BCLAF1: variants seen among roughly 807,000 people sequenced by gnomAD.
The protein encoded by BCLAF1 is bcl-2-associated transcription factor 1.
Under a neutral mutation model 99.5 loss-of-function variants are expected in BCLAF1, and 10 were observed. The ratio of observed to expected loss-of-function variants is 0.10; its 90% CI spans 0.06 to 0.17. BCLAF1 has a LOEUF of 0.17. Among genes scored for constraint, BCLAF1 ranks in the 10% least tolerant of loss-of-function variants. BCLAF1 has a pLI of 1.00. For synonymous variants in BCLAF1, 255 were observed against 370.9 expected, an observed-to-expected ratio of 0.69 and a Z score of 3.59; for missense variants, 636 against 1,105.8, an observed-to-expected ratio of 0.58 and a Z score of 6.02.
chr6:136,279,003 A>ACACG (rs749899281), intron 3 of BCLAF1, among the ~76,000 whole-genome samples: 111 of 150,476 alleles, frequency 7.4e-4, no homozygotes, highest in Non-Finnish European at 1.4e-3. Context: ...AAACACACAC[A>ACACG]CACACACACA....
At chr6:136,262,718 A>C (rs1212473816) in intron 11 of BCLAF1, among the ~76,000 whole-genome samples, 1 of 152,208 alleles carries the variant, frequency 6.6e-6, no homozygotes, top group African/African-American at 2.4e-5. Context: ...AACCCAAAAT[A>C]AACTACTTTA....
Position 136,260,400 on chromosome 6 carries a change from C to G in BCLAF1, c.*710G>C, listed in dbSNP as rs1780812773. On this transcript the variant is annotated 3_prime_UTR_variant, in exon 13 of 13. Coordinates refer to ENST00000531224, the MANE Select transcript of BCLAF1 (RefSeq NM_014739.3). Reference sequence around the variant, plus strand: ...CAAATAGGAATAGAAAGAGAACACACAGTTTTGAACGCAAATAGAAAAGGC... The same window carrying G: ...CAAATAGGAATAGAAAGAGAACACAGAGTTTTGAACGCAAATAGAAAAGGC... 2 of 152,164 alleles carry G rather than the reference C, an allele frequency of 1.3e-5. No individual in the cohort carries two copies. The highest frequency in any genetic ancestry group is 6.5e-5 in the Admixed American group (1 of 15,274). The allele number at this position is 152,164 out of a possible 1,614,324, so 9.4% of individuals were successfully genotyped here.
chr6:136,266,074 T>A (rs1214266377), intron 11 of BCLAF1, among the ~76,000 whole-genome samples: 1 of 151,890 alleles, frequency 6.6e-6, no homozygotes, highest in African/African-American at 2.4e-5. Flanking sequence ...GTCATTAACA[T>A]GCCAAAAAAG....
At chr6:136,278,886 C>CT (rs981565680) in intron 3 of BCLAF1, 110 bp from the exon 4 acceptor site, 1 of 1,138,518 alleles carries the variant, frequency 8.8e-7, no homozygotes, top group African/African-American at 1.6e-5. Flanking sequence ...CAAAAATACA[C>CT]TTTTTTAAAA....
Position 136,268,348 on chromosome 6 carries a change from TAAAGA to T in BCLAF1, c.2220-14_2220-10del, listed in dbSNP as rs1562238213. ...GCTCTCTTTTATGTTTACTGCAAAATAAAGAAAACAAAAAATGTGATACTTTTAAA... is the reference window on the plus strand; with the variant it reads ...GCTCTCTTTTATGTTTACTGCAAAATAAACAAAAAATGTGATACTTTTAAA... On this transcript the variant is annotated splice_polypyrimidine_tract_variant and intron_variant, in intron 9 of 12. Coordinates refer to ENST00000531224, the MANE Select transcript of BCLAF1 (RefSeq NM_014739.3). 2 of 1,583,468 alleles carry T rather than the reference TAAAGA, an allele frequency of 1.3e-6. No homozygotes were observed. The highest frequency in any genetic ancestry group is 1.4e-5 in the African/African-American group (1 of 72,862).
Position 136,257,306 on chromosome 6 carries a change from C to A in BCLAF1, c.*3804G>T, listed in dbSNP as rs1481490650. ...GAATGCTATCCTAATAATGCCTGTT[C>A]TCTTTAATCAGTGAGATTCATTTTT... is the stretch of plus-strand genomic sequence containing the variant. On this transcript the variant is annotated 3_prime_UTR_variant, in exon 13 of 13. Transcript: ENST00000531224. 6.6e-6 allele frequency: 1 copy of A among 152,136 alleles called. No individual in the cohort carries two copies. The highest frequency in any genetic ancestry group is 1.5e-5 in the Non-Finnish European group (1 of 68,002). 9.4% of individuals were successfully genotyped at this position (152,136 alleles called of 1,614,324 possible).
Position 136,276,365 on chromosome 6 carries a change from T to G in BCLAF1, c.1160A>C (p.Lys387Thr). The G allele has an allele frequency of 1.9e-6, 3 of 1,581,922 alleles. No individual in the cohort carries two copies. The highest frequency in any genetic ancestry group is 2.6e-6 in the Non-Finnish European group (3 of 1,167,896). ...DQEALDYFSD[K>T]ESGKQKFNDS... ...ATTAAACTTTTGTTTTCCAGACTCT[T>G]TATCACTGAAGTAATCTAGAGCTTC... The change falls in exon 5 of 13, where the codon AAA becomes ACA. Residue 387 changes from lysine to threonine, a missense_variant. Around this residue, in one of 9 missense-constraint regions of BCLAF1, gnomAD observed 186 missense variants for 275.3 expected, o/e 0.68. Transcript: ENST00000531224.
chr6:136,268,603 TTA>T, intron 9 of BCLAF1: 1 of 303,178 alleles, frequency 3.3e-6, no homozygotes, highest in Non-Finnish European at 6.2e-6. Flanking sequence ...GTTCAGTTCT[TTA>T]GTATTTTTAA....
rs1469241187 is a variant in BCLAF1 at position 136,286,168 on chromosome 6, C to A, written c.-114-3481G>T. Among the ~76,000 whole-genome samples the A allele has an allele frequency of 3.9e-5, 6 of 152,148 alleles. No individual in the cohort carries two copies. The East Asian group carries it at 7.7e-4, about 20-fold the overall frequency. On this transcript the variant is annotated intron_variant, in intron 1 of 12. Transcript: ENST00000531224. ...AAGACAAAGCCACCCAAAATGAATT[C>A]TTTAAGATTACTATTTCAAGCATAC...
chr6:136,271,763 TTTTCC>T (rs1375578347), intron 8 of BCLAF1, among the ~76,000 whole-genome samples: 1 of 151,846 alleles, frequency 6.6e-6, no homozygotes, highest in Non-Finnish European at 1.5e-5. Context: ...GGACTATTTT[TTTTCC>T]TTTCATTAGT....
chr6:136,288,722 G>T (rs950705143), intron 1 of BCLAF1, among the ~76,000 whole-genome samples: 3 of 152,146 alleles, frequency 2.0e-5, no homozygotes, highest in African/African-American at 7.2e-5. Context: ...GCTTGATTCT[G>T]AAGAAATAAA....
intron 1 of BCLAF1, among the ~76,000 whole-genome samples, chr6:136,282,919 A>G (rs538808178): frequency 6.6e-6 from 1 of 152,214 alleles, no homozygotes; most frequent in Non-Finnish European, 1.5e-5. Flanking sequence ...CTTTTTAACT[A>G]CTTGAATTCT....
chr6:136,272,100 A>T, intron 7 of BCLAF1, 21 bp from the exon 8 acceptor site: 1 of 1,497,646 alleles, frequency 6.7e-7, no homozygotes, highest in Non-Finnish European at 9.1e-7. Context: ...AATAAAATAT[A>T]TTTTTAGTCA....
chr6:136,282,017 T>G (rs1364666713), intron 2 of BCLAF1, among the ~76,000 whole-genome samples: 1 of 152,144 alleles, frequency 6.6e-6, no homozygotes. Context: ...AAGAAATGGA[T>G]TGATATCTTC....
intron 10 of BCLAF1, 50 bp downstream of exon 10, chr6:136,268,112 A>T (rs372041354): frequency 6.8e-7 from 1 of 1,460,546 alleles, no homozygotes; most frequent in Non-Finnish European, 9.1e-7. Flanking sequence ...TATGTACAGT[A>T]CTCTAAGATA....
At chr6:136,277,523 G>GT (rs1214420370) in intron 4 of BCLAF1, among the ~76,000 whole-genome samples, 2 of 152,086 alleles carry the variant, frequency 1.3e-5, no homozygotes, top group Non-Finnish European at 1.5e-5. Context: ...TAGAAATTAG[G>GT]TTTTTTTAAT....
Position 136,257,458 on chromosome 6 carries a change from C to T in BCLAF1, c.*3652G>A, listed in dbSNP as rs1214752118. 1 of 152,094 alleles carries T rather than the reference C, an allele frequency of 6.6e-6. No homozygotes were observed. The highest frequency in any genetic ancestry group is 2.4e-5 in the African/African-American group (1 of 41,422). 9.4% of individuals were successfully genotyped at this position (152,094 alleles called of 1,614,324 possible). On this transcript the variant is annotated 3_prime_UTR_variant, in exon 13 of 13. Transcript: ENST00000531224. ...TGCATGTTTCTAAAACAATAGGAGT[C>T]CAGCTCATAAATCAACACAATCTCT...
rs764956432 is a variant in BCLAF1, at chr6:136,278,022, A to G, written c.859T>C (p.Ser287Pro). Reference protein sequence around the residue: ...VGNGSSRYSPSQNSPIHHIPS... With the variant: ...VGNGSSRYSPPQNSPIHHIPS... ...ATGTGATGAATTGGACTATTCTGAG[A>G]AGGACTGTATCGACTAGATCCATTT... Residue 287 changes from serine to proline, a missense_variant, in exon 4 of 13, where the codon TCT becomes CCT. This residue lies in a region of BCLAF1 where 186 missense variants were observed against 275.3 expected (regional missense o/e 0.68). Coordinates refer to ENST00000531224, the MANE Select transcript of BCLAF1 (RefSeq NM_014739.3). 5.0e-6 allele frequency: 8 copies of G among 1,600,752 alleles called. No individual in the cohort carries two copies. Among genetic ancestry groups the G allele is most frequent in the East Asian group, 2.3e-5 (1 of 44,380 alleles).
chr6:136,266,174 G>A (rs1472848344), intron 11 of BCLAF1, among the ~76,000 whole-genome samples: 2 of 151,870 alleles, frequency 1.3e-5, no homozygotes, highest in Non-Finnish European at 1.5e-5. Flanking sequence ...CCTCTAAGTA[G>A]GTATGTCATG....
Sources: allele counts gnomAD v4.1 joint callset (sites outside exome capture counted in the v4.1 genomes callset), GRCh38; gene constraint gnomAD v4.1.1; regional missense constraint gnomAD v4.1.1; transcripts MANE v1.5; gene names NCBI Gene and HGNC (gene_info 2026-07-23, HGNC 2026-07-21).